The following CSMD1 variants were observed in gnomAD, a reference collection of about 807,000 sequenced individuals.
The protein encoded by CSMD1 is CUB and Sushi multiple domains 1, also known as CUB and sushi domain-containing protein 1.
CSMD1 carries 213 observed loss-of-function variants against 417.5 expected under a neutral mutation model. The observed-to-expected ratio is 0.51, with a 90% CI of 0.46 to 0.57. The LOEUF (loss-of-function observed/expected upper bound fraction) is 0.57, where lower values mean the gene tolerates loss of function less well. Among genes scored for constraint, CSMD1 ranks in the 20% least tolerant of loss-of-function variants. CSMD1 has a pLI of 0.00. For synonymous variants in CSMD1, 2,862 were observed against 1,736.8 expected, an observed-to-expected ratio of 1.65 and a Z score of -16.11; for missense variants, 6,923 against 4,529.7, an observed-to-expected ratio of 1.53 and a Z score of -15.17.
chr8:4,768,812 T>C (rs1038942488), intron 1 of CSMD1, among the ~76,000 whole-genome samples: 1 of 152,100 alleles, frequency 6.6e-6, no homozygotes, highest in Non-Finnish European at 1.5e-5. Context: ...ATAAAACAAA[T>C]GGAAATAGAA....
rs144333715 is a variant in CSMD1 at position 4,042,774 on chromosome 8, C to T, written c.416-10675G>A. Among the ~76,000 whole-genome samples the T allele has an allele frequency of 3.8e-3, 504 of 133,788 alleles. 3 individuals carry two copies. Among genetic ancestry groups the T allele is most frequent in the African/African-American group, 0.014 (484 of 35,396 alleles). The allele number at this position is 133,788 out of a possible 152,430, so 87.8% of individuals were successfully genotyped here. ...GGTAAGAAGAAAGGAGAGCACATTG[C>T]TGTATCTTCGCTATACAATAGGTGA... On this transcript the variant is annotated intron_variant, in intron 3 of 69. Transcript: ENST00000635120.
chr8:3,663,352 C>A (rs1273736046), intron 7 of CSMD1, among the ~76,000 whole-genome samples: 3 of 152,098 alleles, frequency 2.0e-5, no homozygotes, highest in Non-Finnish European at 4.4e-5. Context: ...TGGAACATGG[C>A]AAGTTTGACT....
intron 12 of CSMD1, among the ~76,000 whole-genome samples, chr8:3,445,385 A>G (rs955986110): frequency 6.6e-6 from 1 of 152,092 alleles, no homozygotes; most frequent in African/African-American, 2.4e-5. Context: ...TTTCACAAAC[A>G]CTCAAGAGGC....
intron 7 of CSMD1, among the ~76,000 whole-genome samples, chr8:3,661,881 G>T (rs1424937965): frequency 2.0e-5 from 3 of 152,126 alleles, no homozygotes; most frequent in Non-Finnish European, 4.4e-5. Context: ...CGACACATAG[G>T]ATTTGTACAG....
chr8:3,822,131 A>C (rs922420446), intron 5 of CSMD1, among the ~76,000 whole-genome samples: 19 of 151,820 alleles, frequency 1.3e-4, no homozygotes, highest in African/African-American at 4.6e-4. Flanking sequence ...TTTTTCTTTA[A>C]GAGCAAAGAC....
At chr8:4,527,555 A>C (rs1796581568) in intron 2 of CSMD1, among the ~76,000 whole-genome samples, 1 of 152,156 alleles carries the variant, frequency 6.6e-6, no homozygotes, top group African/African-American at 2.4e-5. Context: ...GTTTGTAGAG[A>C]TAAGTGTTCT....
intron 2 of CSMD1, among the ~76,000 whole-genome samples, chr8:4,635,114 T>C (rs1442858304): frequency 2.6e-5 from 4 of 152,154 alleles, no homozygotes; most frequent in African/African-American, 9.7e-5. Context: ...CAAAAAATTG[T>C]CGGTAACTGA....
At chr8:3,743,487 G>A (rs1796918060) in intron 6 of CSMD1, among the ~76,000 whole-genome samples, 1 of 152,162 alleles carries the variant, frequency 6.6e-6, no homozygotes, top group Admixed American at 6.5e-5. Context: ...TTAGAAGACT[G>A]GAAAAAGTTT....
chr8:3,202,306 A>T (rs12544537), intron 31 of CSMD1, among the ~76,000 whole-genome samples: 3 of 152,204 alleles, frequency 2.0e-5, no homozygotes, highest in African/African-American at 7.2e-5. Context: ...AAAGATTATT[A>T]TAATGCCAAA....
chr8:3,918,917 C>A (rs1809021425), intron 5 of CSMD1, among the ~76,000 whole-genome samples: 1 of 145,096 alleles, frequency 6.9e-6, no homozygotes, highest in South Asian at 2.2e-4. Context: ...AGACTACAAA[C>A]TGGGTTCAGT....
chr8:3,562,581 T>A, intron 10 of CSMD1, among the ~76,000 whole-genome samples: 1 of 152,186 alleles, frequency 6.6e-6, no homozygotes, highest in East Asian at 1.9e-4. Context: ...TTAATATGCT[T>A]ATTTTTTTAA....
intron 5 of CSMD1, among the ~76,000 whole-genome samples, chr8:3,929,274 C>T (rs1584983063): frequency 1.3e-5 from 2 of 150,582 alleles, no homozygotes; most frequent in East Asian, 3.9e-4. Context: ...TTTCCCCCTA[C>T]ATTCCCTCAA....
intron 1 of CSMD1, among the ~76,000 whole-genome samples, chr8:4,741,614 G>A (rs1394581238): frequency 1.3e-5 from 2 of 152,104 alleles, no homozygotes; most frequent in African/African-American, 4.8e-5. Flanking sequence ...GACCTTTGAG[G>A]AACAGTAGGA....
chr8:4,730,677 C>G (rs1585011593), intron 1 of CSMD1, among the ~76,000 whole-genome samples: 1 of 151,796 alleles, frequency 6.6e-6, no homozygotes, highest in Admixed American at 6.6e-5. Flanking sequence ...GGAAGCGGAG[C>G]TTGCAGTGAG....
At chr8:4,779,158 T>G (rs1166309509) in intron 1 of CSMD1, among the ~76,000 whole-genome samples, 1 of 152,190 alleles carries the variant, frequency 6.6e-6, no homozygotes. Context: ...ACTGAAGTCT[T>G]CGGTTTAAAA....
At chr8:3,488,800 C>G (rs1351345307) in intron 11 of CSMD1, among the ~76,000 whole-genome samples, 2 of 152,140 alleles carry the variant, frequency 1.3e-5, no homozygotes, top group African/African-American at 4.8e-5. Context: ...CACTGGCATT[C>G]AGGCTCAAAG....
At chr8:3,689,836 T>A (rs902718322) in intron 7 of CSMD1, among the ~76,000 whole-genome samples, 3 of 152,200 alleles carry the variant, frequency 2.0e-5, no homozygotes, top group African/African-American at 7.2e-5. Context: ...ACTACTGGGC[T>A]CAGAAAGAAC....
rs76948139 is a variant in CSMD1, at chr8:3,269,029, C to T, written c.4153+15115G>A. On this transcript the variant is annotated intron_variant, in intron 26 of 69. Coordinates refer to ENST00000635120, the MANE Select transcript of CSMD1 (RefSeq NM_033225.6). Reference sequence around the variant, plus strand: ...TTTTACATGTCTTGATTCTCTCCTTCGATTTGTAATCAATCTCGCTAATGT... The same window carrying T: ...TTTTACATGTCTTGATTCTCTCCTTTGATTTGTAATCAATCTCGCTAATGT... 7.0e-3 allele frequency among the ~76,000 whole-genome samples: 1,071 copies of T among 152,302 alleles called. 11 individuals are homozygous for T. The highest frequency in any genetic ancestry group is 0.024 in the African/African-American group (1,000 of 41,552).
At chr8:3,500,618 G>A (rs756339424) in intron 10 of CSMD1, among the ~76,000 whole-genome samples, 5 of 152,132 alleles carry the variant, frequency 3.3e-5, no homozygotes, top group Non-Finnish European at 7.4e-5. Context: ...CCAAGAATAT[G>A]GTGTTTTGTG....
Sources: allele counts gnomAD v4.1 joint callset (sites outside exome capture counted in the v4.1 genomes callset), GRCh38; gene constraint gnomAD v4.1.1; transcripts MANE v1.5; gene names NCBI Gene and HGNC (gene_info 2026-07-23, HGNC 2026-07-21).